Variants in PCDHGA1 observed in about 807,000 individuals in gnomAD.
PCDHGA1 encodes the protein protocadherin gamma-A1.
PCDHGA1 carries 32 observed loss-of-function variants against 58.0 expected under a neutral mutation model. The observed-to-expected ratio is 0.55, with a 90% confidence interval of 0.42 to 0.74. PCDHGA1 has a LOEUF of 0.74. Ranked by LOEUF, PCDHGA1 falls within the 30% of genes least tolerant of loss-of-function variation. The probability of loss-of-function intolerance (pLI) is 0.00; values close to 1 mark genes in which losing one functional copy is unlikely to be tolerated. For missense variants in PCDHGA1, 1,205 were observed against 1,182.3 expected (o/e 1.02, Z -0.28); for synonymous variants, 498 against 501.1 (o/e 0.99, Z 0.08).
chr5:141,384,787 C>T (rs761655907), intron 1 of PCDHGA1: 32 of 1,613,552 alleles, frequency 2.0e-5, no homozygotes, highest in Non-Finnish European at 2.4e-5. Flanking sequence ...GCGCACGGCT[C>T]GGGCCCTGCT....
chr5:141,361,855 C>G, intron 1 of PCDHGA1: 1 of 1,612,444 alleles, frequency 6.2e-7, no homozygotes, highest in African/African-American at 1.3e-5. Flanking sequence ...TGGCTCCGCC[C>G]TCTTCGATAT....
chr5:141,364,313 T>C, intron 1 of PCDHGA1: 4 of 1,522,730 alleles, frequency 2.6e-6, no homozygotes, highest in Non-Finnish European at 2.6e-6. Flanking sequence ...TAAGAGAAAA[T>C]TGGGCAGAGA....
rs70988800 is a variant in PCDHGA1, at chr5:141,379,889, C to CTTTTTTTTTTTTTTTTTTTT, written c.2421+46795_2421+46814dup. 2.5e-3 allele frequency among the ~76,000 whole-genome samples: 127 copies of CTTTTTTTTTTTTTTTTTTTT among 50,836 alleles called. 11 individuals carry two copies. The highest frequency in any genetic ancestry group is 3.1e-3 in the Non-Finnish European group (79 of 25,888). The allele number at this position is 50,836 out of a possible 152,430, so 33.4% of individuals were successfully genotyped here. On this transcript the variant is annotated intron_variant, in intron 1 of 3. Transcript: ENST00000517417. ...CTTATTTTATGGTCTGTGAAAGCCT[C>CTTTTTTTTTTTTTTTTTTTT]TTTTTTTTTTTTTTTTTTTTTTTTT...
rs1427742903 is a variant in PCDHGA1 at position 141,477,916 on chromosome 5, A to G, written c.2422-16891A>G. On this transcript the variant is annotated intron_variant, in intron 1 of 3. Coordinates refer to ENST00000517417, the MANE Select transcript of PCDHGA1 (RefSeq NM_018912.3). This position sits in a 1 kb window ranked among gnomAD's most constrained non-coding sequence, Gnocchi z 4.9. ...GGGTGGTAGGCTGGGACGCGGATGC[A>G]GGGCACAATGCCTGGCTCTCCTACA... The G allele has an allele frequency of 1.2e-6, 2 of 1,614,042 alleles. No homozygotes were observed. The highest frequency in any genetic ancestry group is 2.7e-5 in the African/African-American group (2 of 74,932).
At position 141,490,475 on chromosome 5, in the gene PCDHGA1, T is replaced by C. The variant is rs769951029; in HGVS notation, c.2422-4332T>C. On this transcript the variant is annotated intron_variant, in intron 1 of 3. Coordinates refer to ENST00000517417, the MANE Select transcript of PCDHGA1 (RefSeq NM_018912.3). This position sits in a 1 kb window ranked among gnomAD's most constrained non-coding sequence, Gnocchi z 5.4. ...TACTCGCTGCTAACCAGCCAGCCTTTGGACCGGGAGGCCACATCCCACTAT... is the reference window on the plus strand; with the variant it reads ...TACTCGCTGCTAACCAGCCAGCCTTCGGACCGGGAGGCCACATCCCACTAT... The C allele has an allele frequency of 3.7e-6, 6 of 1,614,240 alleles. No individual in the cohort carries two copies. The highest frequency in any genetic ancestry group is 5.1e-6 in the Non-Finnish European group (6 of 1,180,038).
intron 1 of PCDHGA1, among the ~76,000 whole-genome samples, chr5:141,379,889 C>CTTTTTTTTTTTTTTGTTTTTTTTT (rs1775951854): frequency 2.0e-5 from 1 of 50,832 alleles, no homozygotes; most frequent in Non-Finnish European, 3.9e-5. Flanking sequence ...GTGAAAGCCT[C>CTTTTTTTTTTTTTTGTTTTTTTTT]TTTTTTTTTT....
chr5:141,434,768 T>C (rs6580188), intron 1 of PCDHGA1, among the ~76,000 whole-genome samples: 81,499 of 151,296 alleles, frequency 0.54, 23,977 homozygotes, highest in African/African-American at 0.79. Context: ...CACTTCACAC[T>C]TCTAAAAAAA....
intron 1 of PCDHGA1, among the ~76,000 whole-genome samples, chr5:141,446,948 T>C (rs1166868490): frequency 6.6e-6 from 1 of 152,186 alleles, no homozygotes; most frequent in African/African-American, 2.4e-5. Context: ...GTAAGAAACA[T>C]CCAGCACCCA....
chr5:141,435,181 T>C (rs1249878603), intron 1 of PCDHGA1, among the ~76,000 whole-genome samples: 1 of 152,184 alleles, frequency 6.6e-6, no homozygotes, highest in African/African-American at 2.4e-5. Context: ...TTAACTACAC[T>C]TGAGATGGCT....
chr5:141,455,502 A>G (rs888549465), intron 1 of PCDHGA1, among the ~76,000 whole-genome samples: 12 of 152,206 alleles, frequency 7.9e-5, no homozygotes, highest in African/African-American at 2.7e-4. Flanking sequence ...TCTGATTTGC[A>G]TAGGGCTCAG....
At chr5:141,426,037 G>A (rs2096911238) in intron 1 of PCDHGA1, among the ~76,000 whole-genome samples, 1 of 152,176 alleles carries the variant, frequency 6.6e-6, no homozygotes, top group South Asian at 2.1e-4. Flanking sequence ...TCAGAGCCCT[G>A]CTGTTGGCCA....
At chr5:141,394,769 C>T in intron 1 of PCDHGA1, 1 of 1,613,514 alleles carries the variant, frequency 6.2e-7, no homozygotes, top group Non-Finnish European at 8.5e-7. Flanking sequence ...ATGGCCAGCC[C>T]CCTCTCTCCG....
At position 141,333,012 on chromosome 5, in the gene PCDHGA1, G is replaced by C. The variant is rs757843707; in HGVS notation, c.2328G>C (p.Ala776=). The C allele has an allele frequency of 1.9e-6, 3 of 1,614,010 alleles. No homozygotes were observed. Among genetic ancestry groups the C allele is most frequent in the Non-Finnish European group, 2.5e-6 (3 of 1,180,038 alleles). ...TGATTTTCCCCCAGCCCAACTATGC[G>C]GACACACTCATCAGCCAGGAGAGCT... The part of the protein sequence containing the change: ...SHLIFPQPNY[A]DTLISQESCE... The change falls in exon 1 of 4, where the codon GCG becomes GCC. Residue 776 remains alanine, a synonymous_variant. Coordinates refer to ENST00000517417, the MANE Select transcript of PCDHGA1 (RefSeq NM_018912.3).
rs758216933 is a variant in PCDHGA1 at position 141,487,377 on chromosome 5, C to A, written c.2422-7430C>A. The A allele has an allele frequency of 2.5e-6, 4 of 1,614,190 alleles. No individual in the cohort carries two copies. In the South Asian group the frequency reaches 3.3e-5, roughly 13 times the overall value. On this transcript the variant is annotated intron_variant, in intron 1 of 3. Transcript: ENST00000517417. This position sits in a 1 kb window ranked among gnomAD's most constrained non-coding sequence, Gnocchi z 5.0. ...CCTGCTGGCACCTGTGCCTGTCTCA[C>A]CAGATCTCGAAGGAGGGAGGGGCTT...
chr5:141,404,278 G>T (rs780738049), intron 1 of PCDHGA1: 7 of 1,613,962 alleles, frequency 4.3e-6, no homozygotes, highest in Admixed American at 3.3e-5. Flanking sequence ...CCCTGCAAGT[G>T]ACTGACATCA....
intron 1 of PCDHGA1, among the ~76,000 whole-genome samples, chr5:141,406,837 CA>C (rs1174898109): frequency 6.6e-6 from 1 of 152,170 alleles, no homozygotes; most frequent in Non-Finnish European, 1.5e-5. Flanking sequence ...ACTTGCATAT[CA>C]GATATAATTT....
Position 141,384,229 on chromosome 5 carries a change from G to A in PCDHGA1, c.2421+51124G>A, listed in dbSNP as rs571021830. The A allele has an allele frequency of 3.1e-6, 5 of 1,613,904 alleles. No individual in the cohort carries two copies. In the South Asian group the frequency reaches 5.5e-5, roughly 18 times the overall value. On this transcript the variant is annotated intron_variant, in intron 1 of 3. Transcript: ENST00000517417. The stretch of plus-strand genomic sequence containing the variant: ...AACTCACATATTCATGCAGGTGGCA[G>A]ACACCAACGATAACCCACCCACCTT...
chr5:141,404,300 C>T (rs749132060), intron 1 of PCDHGA1: 3 of 1,613,862 alleles, frequency 1.9e-6, no homozygotes, highest in South Asian at 2.2e-5. Flanking sequence ...TGATAATCCA[C>T]CTGCTTTCTC....
intron 1 of PCDHGA1, chr5:141,357,611 C>T: frequency 6.2e-7 from 1 of 1,613,912 alleles, no homozygotes; most frequent in Non-Finnish European, 8.5e-7. Flanking sequence ...AAAGGAGACC[C>T]TAATCTTCAG....
Sources: allele counts gnomAD v4.1 joint callset (sites outside exome capture counted in the v4.1 genomes callset), GRCh38; gene constraint gnomAD v4.1.1; non-coding constraint Gnocchi (gnomAD v3.1); transcripts MANE v1.5; gene names NCBI Gene and HGNC (gene_info 2026-07-23, HGNC 2026-07-21).